NTM: variants seen among roughly 807,000 people sequenced by gnomAD.
NTM encodes the protein neurotrimin.
A neutral mutation model predicts 42.1 loss-of-function variants in NTM; 13 were observed. The observed-to-expected ratio is 0.31, with a 90% CI of 0.20 to 0.49. The LOEUF is 0.49. Among genes scored for constraint, NTM ranks in the 20% least tolerant of loss-of-function variants. The pLI is 0.99. For synonymous variants in NTM, 187 were observed against 179.2 expected, an observed-to-expected ratio of 1.04 and a Z score of -0.35; for missense variants, 373 against 452.8, an observed-to-expected ratio of 0.82 and a Z score of 1.60.
chr11:131,722,304 C>T (rs1162396260), intron 1 of NTM, among the ~76,000 whole-genome samples: 2 of 152,146 alleles, frequency 1.3e-5, no homozygotes, highest in East Asian at 3.9e-4. Flanking sequence ...TCTAGTCAGC[C>T]ATTTTCCCCC....
intron 1 of NTM, among the ~76,000 whole-genome samples, chr11:131,546,315 C>T (rs1020757794): frequency 2.6e-5 from 4 of 152,172 alleles, no homozygotes; most frequent in African/African-American, 9.7e-5. Flanking sequence ...TTGATTTTAT[C>T]TTTCTCTTGG....
At chr11:131,809,555 CTG>C (rs1242328041) in intron 1 of NTM, among the ~76,000 whole-genome samples, 1 of 152,244 alleles carries the variant, frequency 6.6e-6, no homozygotes, top group East Asian at 1.9e-4. Context: ...GCACTTCAAA[CTG>C]TGTTTGAACA....
chr11:131,766,966 C>G (rs570090093), intron 1 of NTM, among the ~76,000 whole-genome samples: 4 of 152,206 alleles, frequency 2.6e-5, no homozygotes, highest in Middle Eastern at 3.4e-3. Context: ...GTTACCACAA[C>G]CATATCTTTT....
At chr11:131,712,858 A>T (rs1466987277) in intron 1 of NTM, among the ~76,000 whole-genome samples, 1 of 152,092 alleles carries the variant, frequency 6.6e-6, no homozygotes, top group Non-Finnish European at 1.5e-5. Flanking sequence ...CCTGGGAGCC[A>T]TGGTGCCCGG....
At chr11:132,020,802 A>G (rs2074221622) in intron 2 of NTM, among the ~76,000 whole-genome samples, 1 of 152,080 alleles carries the variant, frequency 6.6e-6, no homozygotes, top group African/African-American at 2.4e-5. Context: ...ATGGCTATCA[A>G]TTAATTTTTC....
At chr11:131,907,605 C>T (rs976064981) in intron 1 of NTM, among the ~76,000 whole-genome samples, 1 of 151,976 alleles carries the variant, frequency 6.6e-6, no homozygotes, top group Non-Finnish European at 1.5e-5. Flanking sequence ...TTTATGTGTA[C>T]AGTATATGTG....
intron 2 of NTM, among the ~76,000 whole-genome samples, chr11:132,050,208 C>T (rs942880738): frequency 2.0e-5 from 3 of 152,070 alleles, no homozygotes; most frequent in African/African-American, 7.2e-5. Context: ...TATTGCTATG[C>T]GTTGCTGAAA....
At chr11:131,563,561 C>T (rs2056494808) in intron 1 of NTM, among the ~76,000 whole-genome samples, 1 of 145,968 alleles carries the variant, frequency 6.9e-6, no homozygotes, top group Non-Finnish European at 1.5e-5. Context: ...TCTATTTCTC[C>T]TGTGACAGCT....
intron 2 of NTM, among the ~76,000 whole-genome samples, chr11:131,932,367 A>C (rs1240985280): frequency 6.6e-6 from 1 of 152,248 alleles, no homozygotes; most frequent in African/African-American, 2.4e-5. Context: ...AATTGTCAAC[A>C]AAAACATGCA....
In NTM at chr11:132,235,496, C is replaced by T. The variant is rs573410575; in HGVS notation, c.526+23349C>T. 1.4e-4 allele frequency among the ~76,000 whole-genome samples: 22 copies of T among 152,302 alleles called. 1 individual carries two copies. In the South Asian group the frequency reaches 2.7e-3, roughly 19 times the overall value. On this transcript the variant is annotated intron_variant, in intron 4 of 8. Coordinates refer to ENST00000683400, the MANE Select transcript of NTM (RefSeq NM_001352005.2). ...CTAGAATGTAGTACTTTTGGTAGCA[C>T]TGAAATAGGAGAAACAAAACTATAA...
chr11:131,925,233 T>G (rs2057777302), intron 2 of NTM, among the ~76,000 whole-genome samples: 7 of 152,178 alleles, frequency 4.6e-5, no homozygotes, highest in African/African-American at 1.7e-4. Flanking sequence ...TAGTTTAACC[T>G]TTTGTGCCAG....
intron 2 of NTM, among the ~76,000 whole-genome samples, chr11:132,116,893 G>T (rs529778539): frequency 2.6e-5 from 4 of 152,268 alleles, no homozygotes; most frequent in Admixed American, 6.5e-5. Flanking sequence ...TATAGGTGTA[G>T]GGAAGAAAGA....
At chr11:131,751,138 T>C (rs1394123073) in intron 1 of NTM, among the ~76,000 whole-genome samples, 2 of 152,192 alleles carry the variant, frequency 1.3e-5, no homozygotes, top group Non-Finnish European at 2.9e-5. Flanking sequence ...TATTTATTTT[T>C]TAAATTATAC....
At chr11:131,703,784 T>G (rs116969134) in intron 1 of NTM, among the ~76,000 whole-genome samples, 3 of 152,142 alleles carry the variant, frequency 2.0e-5, no homozygotes, top group African/African-American at 7.2e-5. Flanking sequence ...AAGATAGCCT[T>G]GCATGAGGGG....
chr11:131,496,787 C>A (rs886085449), intron 1 of NTM, among the ~76,000 whole-genome samples: 5 of 152,200 alleles, frequency 3.3e-5, no homozygotes, highest in African/African-American at 1.2e-4. Flanking sequence ...CCTCCTCCCC[C>A]TATCTCCTTC....
At chr11:131,674,922 G>C (rs2071099029) in intron 1 of NTM, among the ~76,000 whole-genome samples, 1 of 152,200 alleles carries the variant, frequency 6.6e-6, no homozygotes, top group Non-Finnish European at 1.5e-5. Flanking sequence ...TCTTCATACA[G>C]CTACTCACTT....
At chr11:132,072,149 C>A (rs1466751023) in intron 2 of NTM, among the ~76,000 whole-genome samples, 1 of 152,154 alleles carries the variant, frequency 6.6e-6, no homozygotes, top group African/African-American at 2.4e-5. Context: ...ATGAGCCAAC[C>A]CCAGCCCTTC....
chr11:131,989,555 T>C (rs539436916), intron 2 of NTM, among the ~76,000 whole-genome samples: 2 of 152,288 alleles, frequency 1.3e-5, no homozygotes. Flanking sequence ...TTAGAGGAAA[T>C]GACATCAGTT....
At chr11:132,280,492 T>C (rs112485746) in intron 4 of NTM, among the ~76,000 whole-genome samples, 1 of 141,368 alleles carries the variant, frequency 7.1e-6, no homozygotes. Context: ...TTTTTTTTTT[T>C]TTTTTTTTTT....
Sources: allele counts gnomAD v4.1 joint callset (sites outside exome capture counted in the v4.1 genomes callset), GRCh38; gene constraint gnomAD v4.1.1; transcripts MANE v1.5; gene names NCBI Gene and HGNC (gene_info 2026-07-23, HGNC 2026-07-21).